Variants in LMF1 observed in about 807,000 individuals in gnomAD.
LMF1 encodes the protein transmembrane protein 112.
In LMF1, 68 loss-of-function variants were observed where a neutral mutation model predicts 60.6. The observed-to-expected ratio is 1.12, with a 90% CI of 0.92 to 1.37. The LOEUF is 1.37. Ranked by LOEUF, LMF1 falls within the 40% of genes most tolerant of loss-of-function variation. The probability of loss-of-function intolerance (pLI) is 0.00; values close to 1 mark genes in which losing one functional copy is unlikely to be tolerated. For missense variants in LMF1, 948 were observed against 767.2 expected (o/e 1.24, Z -2.78); for synonymous variants, 418 against 324.7 (o/e 1.29, Z -3.09).
intron 8 of LMF1, 52 bp from the exon 9 acceptor site, chr16:870,118 AGTGGGGTGCATGG>A: frequency 1.3e-6 from 2 of 1,554,798 alleles, no homozygotes; most frequent in Non-Finnish European, 1.7e-6. Context: ...GGCTGGGCCG[AGTGGGGTGCATGG>A]GTGGGGGGGG....
At chr16:946,965 C>T (rs2072252575) in intron 2 of LMF1, among the ~76,000 whole-genome samples, 1 of 152,244 alleles carries the variant, frequency 6.6e-6, no homozygotes, top group Non-Finnish European at 1.5e-5. Context: ...AGACTAATCC[C>T]CGTCTAGCCA....
intron 6 of LMF1, chr16:873,370 CGGAGGCGA>C (rs1454251389): frequency 6.6e-6 from 1 of 152,128 alleles, no homozygotes; most frequent in Non-Finnish European, 1.5e-5. Flanking sequence ...TGGCTGGGAG[CGGAGGCGA>C]GGCCCGAGGG....
chr16:922,632 G>A lies in LMF1; in HGVS notation c.515-11553C>T, dbSNP rs1052819003. 2.2e-4 allele frequency among the ~76,000 whole-genome samples: 28 copies of A among 129,434 alleles called. 1 individual carries two copies. The highest frequency in any genetic ancestry group is 6.4e-4 in the African/African-American group (23 of 35,998). The allele number at this position is 129,434 out of a possible 152,430, so 84.9% of individuals were successfully genotyped here. On this transcript the variant is annotated intron_variant, in intron 3 of 10. Coordinates refer to ENST00000262301, the MANE Select transcript of LMF1 (RefSeq NM_022773.4). ...ATGTGGTGTTGGTGCGTGTTGTTGC[G>A]AAGGCCCTGTGTGAAAGTCGCCTGG... is the stretch of plus-strand genomic sequence containing the variant.
chr16:929,935 CAG>C lies in LMF1; in HGVS notation c.514+4307_514+4308del, dbSNP rs151266013. 9.8e-3 allele frequency among the ~76,000 whole-genome samples: 1,475 copies of C among 150,188 alleles called. 22 individuals are homozygous for C. Among genetic ancestry groups the C allele is most frequent in the African/African-American group, 0.034 (1,394 of 40,628 alleles). On this transcript the variant is annotated intron_variant, in intron 3 of 10. Transcript: ENST00000262301. ...AACGGGGGCACAGGGCCCTGGGACA[CAG>C]AGCCCAGGACAGCAGCAGTCGCCTC... is the stretch of plus-strand genomic sequence containing the variant.
intron 4 of LMF1, among the ~76,000 whole-genome samples, chr16:908,772 G>C (rs567965547): frequency 1.3e-5 from 2 of 152,224 alleles, no homozygotes; most frequent in Non-Finnish European, 2.9e-5. Flanking sequence ...AAGCACCCAA[G>C]ACTCCCCACA....
At chr16:952,609 G>C (rs2072506772) in intron 2 of LMF1, 1 of 153,684 alleles carries the variant, frequency 6.5e-6, no homozygotes, top group Non-Finnish European at 1.4e-5. Flanking sequence ...ACAGGGTCCT[G>C]GTTCCGACCA....
chr16:855,505 G>A (rs1317010797), intron 10 of LMF1: 2 of 357,518 alleles, frequency 5.6e-6, no homozygotes, highest in East Asian at 7.4e-5. Context: ...GGGGTGGGAC[G>A]AAGCCCCCTC....
chr16:908,071 C>T (rs900088206), intron 4 of LMF1, among the ~76,000 whole-genome samples: 1 of 152,164 alleles, frequency 6.6e-6, no homozygotes, highest in Non-Finnish European at 1.5e-5. Flanking sequence ...CCTGACAGCG[C>T]TTCCCCCACC....
upstream of LMF1, among the ~76,000 whole-genome samples, chr16:973,927 G>T (rs904844410): frequency 2.0e-5 from 3 of 151,546 alleles, no homozygotes; most frequent in African/African-American, 7.3e-5. Flanking sequence ...GGAGAATGAC[G>T]TGAACGCGGG....
At chr16:922,537 G>C (rs2071461031) in intron 3 of LMF1, among the ~76,000 whole-genome samples, 1 of 152,064 alleles carries the variant, frequency 6.6e-6, no homozygotes, top group African/African-American at 2.4e-5. Context: ...CGGTTTTTGG[G>C]TGTGATGTGG....
At chr16:935,127 C>T (rs543329701) in intron 2 of LMF1, among the ~76,000 whole-genome samples, 114 of 150,848 alleles carry the variant, frequency 7.6e-4, no homozygotes, top group Non-Finnish European at 1.4e-3. Flanking sequence ...TTTTGAGACA[C>T]GGTCTCATTC....
chr16:898,243 G>A (rs1005218415), intron 4 of LMF1, among the ~76,000 whole-genome samples: 7 of 152,238 alleles, frequency 4.6e-5, no homozygotes, highest in African/African-American at 1.4e-4. Flanking sequence ...AACGCCCTGG[G>A]CTCGCTTGCT....
chr16:897,905 G>A lies in LMF1; in HGVS notation c.664-4833C>T, dbSNP rs893615152. Among the ~76,000 whole-genome samples, 3 of 152,248 alleles carry A rather than the reference G, an allele frequency of 2.0e-5. No individual in the cohort carries two copies. Among genetic ancestry groups the A allele is most frequent in the Non-Finnish European group, 2.9e-5 (2 of 68,042 alleles). On this transcript the variant is annotated intron_variant, in intron 4 of 10. Transcript: ENST00000262301. This position sits in a 1 kb window ranked among gnomAD's most constrained non-coding sequence, Gnocchi z 4.3. ...GGCATGGGAGGTGGGCTCCGCCCCC[G>A]AGTGCTTCAGCTCACGCAGACTTCC...
chr16:954,888 CGCA>C (rs2072634393), intron 1 of LMF1, among the ~76,000 whole-genome samples: 1 of 144,532 alleles, frequency 6.9e-6, no homozygotes, highest in Non-Finnish European at 1.5e-5. Context: ...TGTGCATACA[CGCA>C]TACACATCTA....
rs3884217 is a variant in LMF1, at chr16:952,308, A to ACCC, written c.503+2046_503+2048dup. ...ACTCCAGCACAGCCACAAAGTGGGG[A>ACCC]CCCCCCCCCACAGGTGCCCTGATGC... On this transcript the variant is annotated intron_variant, in intron 2 of 10. Transcript: ENST00000262301. 1.5e-3 allele frequency among the ~76,000 whole-genome samples: 223 copies of ACCC among 146,970 alleles called. 2 individuals are homozygous for ACCC. Among genetic ancestry groups the ACCC allele is most frequent in the African/African-American group, 2.8e-3 (114 of 40,002 alleles).
At chr16:867,859 G>A (rs972578224) in intron 10 of LMF1, among the ~76,000 whole-genome samples, 3 of 152,110 alleles carry the variant, frequency 2.0e-5, no homozygotes, top group Non-Finnish European at 4.4e-5. Flanking sequence ...TGCCAGACTC[G>A]GGCCCAGCTG....
chr16:933,779 TC>T (rs2071859919), intron 3 of LMF1: 4 of 398,114 alleles, frequency 1.0e-5, no homozygotes, highest in South Asian at 8.5e-5. Context: ...GCTGCCCTCT[TC>T]CCACCCTCCA....
intron 2 of LMF1, among the ~76,000 whole-genome samples, chr16:937,325 G>A (rs896604831): frequency 1.3e-5 from 2 of 152,220 alleles, no homozygotes; most frequent in African/African-American, 4.8e-5. Flanking sequence ...TTGTTCTGCT[G>A]TTTTGTTCTT....
At chr16:885,334 G>C (rs1043003655) in intron 5 of LMF1, among the ~76,000 whole-genome samples, 1 of 152,154 alleles carries the variant, frequency 6.6e-6, no homozygotes, top group Non-Finnish European at 1.5e-5. Context: ...AAGGAACAGA[G>C]AACACATGGG....
Sources: gnomAD v4.1 joint callset for allele counts (sites outside exome capture counted in the v4.1 genomes callset) on GRCh38, gnomAD v4.1.1 for gene constraint, Gnocchi (gnomAD v3.1) non-coding constraint, MANE v1.5 for transcripts, NCBI Gene and HGNC (gene_info 2026-07-23, HGNC 2026-07-21) for gene names.